UNC13B: variants seen among roughly 807,000 people sequenced by gnomAD.
UNC13B encodes protein unc-13 homolog B.
Under a neutral mutation model 211.0 loss-of-function variants are expected in UNC13B, and 144 were observed. The ratio of observed to expected loss-of-function variants is 0.68; its 90% CI spans 0.60 to 0.78. UNC13B has a LOEUF of 0.78. Among genes scored for constraint, UNC13B ranks in the 30% least tolerant of loss-of-function variants. UNC13B has a pLI of 0.00. For synonymous variants in UNC13B, 709 were observed against 725.8 expected (o/e 0.98, Z 0.37); for missense variants, 1,777 against 2,002.0 (o/e 0.89, Z 2.14).
intron 26 of UNC13B, among the ~76,000 whole-genome samples, chr9:35,394,140 C>G (rs1394889557): frequency 6.6e-6 from 1 of 152,062 alleles, no homozygotes; most frequent in Non-Finnish European, 1.5e-5. Context: ...GGCGATTTAA[C>G]TGGGTATGAA....
At chr9:35,369,395 C>T (rs1483033143) in intron 12 of UNC13B, among the ~76,000 whole-genome samples, 1 of 152,036 alleles carries the variant, frequency 6.6e-6, no homozygotes, top group Non-Finnish European at 1.5e-5. Context: ...CACCAAGGCC[C>T]AAAGTGAAGA....
At chr9:35,374,343 G>A (rs1834249793) in intron 13 of UNC13B, among the ~76,000 whole-genome samples, 1 of 119,958 alleles carries the variant, frequency 8.3e-6, no homozygotes. Context: ...TCTGGGCTTG[G>A]CATATACATC....
intron 7 of UNC13B, among the ~76,000 whole-genome samples, chr9:35,260,796 A>C (rs961640788): frequency 1.3e-5 from 2 of 152,164 alleles, no homozygotes; most frequent in African/African-American, 4.8e-5. Context: ...CATTGTAATG[A>C]GTTCATTGTG....
At chr9:35,380,878 C>T (rs1312713212) in intron 18 of UNC13B, among the ~76,000 whole-genome samples, 2 of 152,156 alleles carry the variant, frequency 1.3e-5, no homozygotes, top group Non-Finnish European at 2.9e-5. Flanking sequence ...CATACTAGTG[C>T]TTTTGTCCCC....
At chr9:35,181,809 G>A (rs942538274) in intron 1 of UNC13B, among the ~76,000 whole-genome samples, 8 of 152,152 alleles carry the variant, frequency 5.3e-5, no homozygotes, top group Non-Finnish European at 1.2e-4. Context: ...GCACTTCAGC[G>A]TGGGTGACAG....
intron 26 of UNC13B, among the ~76,000 whole-genome samples, chr9:35,395,370 C>T (rs1423408793): frequency 6.6e-6 from 1 of 152,194 alleles, no homozygotes; most frequent in Non-Finnish European, 1.5e-5. Context: ...GAATGAAATT[C>T]CTGGGACTTG....
chr9:35,326,670 T>C, intron 11 of UNC13B, among the ~76,000 whole-genome samples: 1 of 152,194 alleles, frequency 6.6e-6, no homozygotes, highest in East Asian at 1.9e-4. Context: ...ATTGCAGGTG[T>C]GAACCACTGT....
Position 35,305,138 on chromosome 9 carries a change from A to T in UNC13B, c.5734A>T (p.Lys1912Ter), listed in dbSNP as rs541086840. The stretch of plus-strand genomic sequence containing the variant: ...GGGCCAGTCATCCAAAGAGTCTGAT[A>T]AAACATTATTTAAAAGTTCATTGAA... ...PQGQSSKESD[K>*]TLFKSSLKLF... Residue 1912 changes from lysine (K) to a stop codon, truncating the protein, a stop_gained, in exon 9 of 40, where the codon AAA becomes TAA. Transcript: ENST00000635942. LOFTEE classifies it high-confidence loss of function. 2.5e-6 allele frequency: 1 copy of T among 398,986 alleles called. No homozygotes were observed. The highest frequency in any genetic ancestry group is 4.4e-6 in the Non-Finnish European group (1 of 226,010). 24.7% of individuals were successfully genotyped at this position (398,986 alleles called of 1,614,324 possible).
chr9:35,381,515 T>A (rs771834172), intron 19 of UNC13B, 41 bp from the exon 20 acceptor site: 1 of 1,570,798 alleles, frequency 6.4e-7, no homozygotes, highest in Admixed American at 1.9e-5. Context: ...GTCTTTCATA[T>A]GTGTTTAACC....
intron 11 of UNC13B, among the ~76,000 whole-genome samples, chr9:35,317,846 AT>A (rs1482981513): frequency 6.6e-6 from 1 of 151,952 alleles, no homozygotes; most frequent in Non-Finnish European, 1.5e-5. Flanking sequence ...CTAAACAAGC[AT>A]TTAAAATGAA....
At chr9:35,195,420 A>G (rs1286509965) in intron 1 of UNC13B, among the ~76,000 whole-genome samples, 1 of 152,170 alleles carries the variant, frequency 6.6e-6, no homozygotes, top group Non-Finnish European at 1.5e-5. Context: ...CTTAAAATGT[A>G]TAAAACCAGT....
chr9:35,231,475 C>T (rs1019252774), intron 3 of UNC13B, among the ~76,000 whole-genome samples: 1 of 151,832 alleles, frequency 6.6e-6, no homozygotes, highest in Non-Finnish European at 1.5e-5. Flanking sequence ...GGTAAACTCC[C>T]AATTGATTTG....
intron 1 of UNC13B, among the ~76,000 whole-genome samples, chr9:35,201,382 A>G (rs946695217): frequency 5.3e-5 from 8 of 151,982 alleles, no homozygotes; most frequent in East Asian, 3.9e-4. Context: ...CTCTTTTTCT[A>G]TTGATTGGAA....
Position 35,386,254 on chromosome 9 carries a change from C to G in UNC13B, c.11055C>G (p.Phe3685Leu). Reference protein sequence around the residue: ...ACLNSTYEYIFNNCHDLYSRQ... With the variant: ...ACLNSTYEYILNNCHDLYSRQ... ...TGAACTCCACATATGAATATATCTTCAACAACTGCCACGACTTATACAGCC... is the reference window on the plus strand; with the variant it reads ...TGAACTCCACATATGAATATATCTTGAACAACTGCCACGACTTATACAGCC... Residue 3685 changes from phenylalanine (F) to leucine (L), a missense_variant, in exon 24 of 40, where the codon TTC (phenylalanine) becomes TTG (leucine). Transcript: ENST00000635942. 1 of 1,614,152 alleles carries G rather than the reference C, an allele frequency of 6.2e-7. No homozygotes were observed. The highest frequency in any genetic ancestry group is 8.5e-7 in the Non-Finnish European group (1 of 1,180,018).
At chr9:35,354,393 A>G (rs1260239128) in intron 11 of UNC13B, among the ~76,000 whole-genome samples, 2 of 152,124 alleles carry the variant, frequency 1.3e-5, no homozygotes, top group African/African-American at 4.8e-5. Flanking sequence ...TGACTTGCTG[A>G]CACAGAACCT....
chr9:35,336,602 T>C (rs923586647), intron 11 of UNC13B, among the ~76,000 whole-genome samples: 3 of 152,134 alleles, frequency 2.0e-5, no homozygotes, highest in Non-Finnish European at 4.4e-5. Flanking sequence ...GCTTAGGATA[T>C]CTTAGGTTAT....
intron 11 of UNC13B, among the ~76,000 whole-genome samples, chr9:35,362,570 G>A (rs2132129914): frequency 6.6e-6 from 1 of 152,326 alleles, no homozygotes; most frequent in East Asian, 1.9e-4. Flanking sequence ...AGCACTTTGG[G>A]AGGCCGAGGT....
chr9:35,319,691 C>G (rs1391943210), intron 11 of UNC13B, among the ~76,000 whole-genome samples: 1 of 151,674 alleles, frequency 6.6e-6, no homozygotes, highest in African/African-American at 2.4e-5. Flanking sequence ...GATGGGGTCT[C>G]ACTCTGTCAC....
At chr9:35,286,556 G>A (rs1828806831) in intron 7 of UNC13B, among the ~76,000 whole-genome samples, 1 of 151,886 alleles carries the variant, frequency 6.6e-6, no homozygotes, top group Non-Finnish European at 1.5e-5. Flanking sequence ...ACTGGAGATT[G>A]AGTTAATAAT....
Sources: gnomAD v4.1 joint callset for allele counts (sites outside exome capture counted in the v4.1 genomes callset) on GRCh38, gnomAD v4.1.1 for gene constraint, MANE v1.5 for transcripts, NCBI Gene and HGNC (gene_info 2026-07-23, HGNC 2026-07-21) for gene names.